NCKAP5: variants seen among roughly 807,000 people sequenced by gnomAD.
NCKAP5 encodes NCK associated protein 5, also known as nck-associated protein 5.
Under a neutral mutation model 167.0 loss-of-function variants are expected in NCKAP5, and 92 were observed. That is an observed-to-expected ratio of 0.55 (90% CI 0.47 to 0.66). NCKAP5 has a LOEUF of 0.66. NCKAP5 is among the 30% of genes least tolerant of loss of function. The probability of loss-of-function intolerance (pLI) is 0.00; values close to 1 mark genes in which losing one functional copy is unlikely to be tolerated. For synonymous variants in NCKAP5, 891 were observed against 877.4 expected, an observed-to-expected ratio of 1.02 and a Z score of -0.27; for missense variants, 2,378 against 2,315.0, an observed-to-expected ratio of 1.03 and a Z score of -0.56.
chr2:133,516,674 C>T (rs1471217426), intron 3 of NCKAP5, among the ~76,000 whole-genome samples: 3 of 152,190 alleles, frequency 2.0e-5, no homozygotes, highest in Non-Finnish European at 4.4e-5. Flanking sequence ...TGCTAGACTC[C>T]AGGACAGGTG....
At chr2:133,578,345 A>G in the NCKAP5 span, among the ~76,000 whole-genome samples, 1 of 152,210 alleles carries the variant, frequency 6.6e-6, no homozygotes, top group African/African-American at 2.4e-5. Context: ...CAGTCTTTAC[A>G]AAGTGATGCC....
intron 8 of NCKAP5, among the ~76,000 whole-genome samples, chr2:132,945,560 G>C (rs184579585): frequency 2.6e-4 from 39 of 152,124 alleles, no homozygotes; most frequent in African/African-American, 9.4e-4. Context: ...AAGACACTAA[G>C]AGCCCACAGC....
At chr2:133,283,853 C>T (rs377031504) in intron 4 of NCKAP5, among the ~76,000 whole-genome samples, 14 of 152,122 alleles carry the variant, frequency 9.2e-5, no homozygotes, top group African/African-American at 2.4e-4. Flanking sequence ...TCAGGTGATC[C>T]GCCCGCCTCG....
chr2:133,232,199 G>A (rs1486215556), intron 4 of NCKAP5, among the ~76,000 whole-genome samples: 2 of 152,288 alleles, frequency 1.3e-5, no homozygotes, highest in East Asian at 3.9e-4. Context: ...AAGCATGGCA[G>A]TGAGTCTGTA....
chr2:132,879,492 T>C (rs2148815694), intron 8 of NCKAP5, among the ~76,000 whole-genome samples: 1 of 152,334 alleles, frequency 6.6e-6, no homozygotes, highest in African/African-American at 2.4e-5. Context: ...CTTAGAGCCA[T>C]GTGGGTATGT....
At chr2:133,081,557 T>C (rs2080806911) in intron 6 of NCKAP5, among the ~76,000 whole-genome samples, 1 of 152,172 alleles carries the variant, frequency 6.6e-6, no homozygotes, top group East Asian at 1.9e-4. Context: ...GTGTATGCAT[T>C]TTAAAATTCA....
chr2:133,402,225 T>C (rs533043150), intron 3 of NCKAP5, among the ~76,000 whole-genome samples: 3 of 152,210 alleles, frequency 2.0e-5, no homozygotes, highest in Non-Finnish European at 2.9e-5. Flanking sequence ...ACAAGCACTG[T>C]GCACTCACGC....
chr2:132,680,699 C>T (rs956401136), intron 19 of NCKAP5, among the ~76,000 whole-genome samples: 8 of 151,734 alleles, frequency 5.3e-5, no homozygotes, highest in Admixed American at 2.0e-4. Flanking sequence ...ATATGGAAAA[C>T]GGGGGAAAGA....
chr2:132,976,583 A>AT (rs2076983999), intron 7 of NCKAP5, among the ~76,000 whole-genome samples: 1 of 150,242 alleles, frequency 6.7e-6, no homozygotes, highest in Non-Finnish European at 1.5e-5. Context: ...AAAAAAAAAA[A>AT]GAAGAAGAAA....
rs1485003805 is a variant in NCKAP5, at chr2:132,782,332, G to A, written c.4479C>T (p.Pro1493=). ...GCTTCTGCTTTGCTTCCACAGAGGT[G>A]GGCTTTGTTTGCACTTGGCCCTTTT... The part of the protein sequence containing the change: ...NVEKGQVQTK[P]TSVEAKQKPG... The change falls in exon 14 of 20, where the codon CCC becomes CCT. Residue 1493 remains proline (P), a synonymous_variant. Transcript: ENST00000409261. 6 of 1,613,898 alleles carry A rather than the reference G, an allele frequency of 3.7e-6. No homozygotes were observed. The highest frequency in any genetic ancestry group is 1.3e-5 in the African/African-American group (1 of 74,924).
Position 133,069,892 on chromosome 2 carries a change from C to A in NCKAP5, c.341+60086G>T, listed in dbSNP as rs1031342433. Among the ~76,000 whole-genome samples, 3 of 151,796 alleles carry A rather than the reference C, an allele frequency of 2.0e-5. No individual in the cohort carries two copies. The East Asian group carries it at 5.8e-4, about 29-fold the overall frequency. On this transcript the variant is annotated intron_variant, in intron 6 of 19. Transcript: ENST00000409261. ...AAAAATATATATATATACACACACA[C>A]AAAACATTCAGATTCTAGTATTTGC... is the stretch of plus-strand genomic sequence containing the variant.
chr2:133,577,904 T>C, the NCKAP5 span, among the ~76,000 whole-genome samples: 568 of 152,300 alleles, frequency 3.7e-3, 6 homozygotes, highest in African/African-American at 0.013. Flanking sequence ...GCTTCATTTG[T>C]GACCCTTCCA....
intron 6 of NCKAP5, among the ~76,000 whole-genome samples, chr2:133,009,692 C>G (rs1386428756): frequency 6.6e-6 from 1 of 152,092 alleles, no homozygotes; most frequent in East Asian, 1.9e-4. Context: ...AGGAGACGGG[C>G]AGACCCACAA....
intron 6 of NCKAP5, among the ~76,000 whole-genome samples, chr2:133,102,475 C>A (rs1005021633): frequency 6.6e-6 from 1 of 151,856 alleles, no homozygotes; most frequent in Non-Finnish European, 1.5e-5. Context: ...CTCTTTAGCC[C>A]AAGGAAATGA....
the NCKAP5 span, among the ~76,000 whole-genome samples, chr2:133,612,236 T>C: frequency 2.6e-5 from 4 of 152,144 alleles, no homozygotes; most frequent in African/African-American, 7.2e-5. Context: ...AGCTTCATAA[T>C]GGAAATAAGA....
chr2:133,662,208 CT>C, the NCKAP5 span, among the ~76,000 whole-genome samples: 1 of 152,126 alleles, frequency 6.6e-6, no homozygotes, highest in Non-Finnish European at 1.5e-5. Flanking sequence ...TATTAAATTA[CT>C]TTGCATGGGT....
chr2:133,370,611 G>A (rs940525402), intron 3 of NCKAP5, among the ~76,000 whole-genome samples: 3 of 151,354 alleles, frequency 2.0e-5, no homozygotes, highest in Non-Finnish European at 2.9e-5. Flanking sequence ...CCTAGTATAA[G>A]CAAATTAGAA....
the NCKAP5 span, among the ~76,000 whole-genome samples, chr2:133,579,043 C>A: frequency 2.0e-5 from 3 of 152,154 alleles, no homozygotes; most frequent in Admixed American, 1.3e-4. Flanking sequence ...TAACAGTAAC[C>A]GTAATGGTCA....
chr2:133,374,546 G>A (rs1234579739), intron 3 of NCKAP5, among the ~76,000 whole-genome samples: 2 of 151,930 alleles, frequency 1.3e-5, no homozygotes, highest in East Asian at 1.9e-4. Flanking sequence ...GGGAGATGTC[G>A]GTGATGGGGT....
Sources: gnomAD v4.1 joint callset for allele counts (sites outside exome capture counted in the v4.1 genomes callset) on GRCh38, gnomAD v4.1.1 for gene constraint, MANE v1.5 for transcripts, NCBI Gene and HGNC (gene_info 2026-07-23, HGNC 2026-07-21) for gene names.